The following FBXO15 variants were observed in gnomAD, a reference collection of about 807,000 sequenced individuals.
FBXO15 encodes F-box protein 15.
FBXO15 carries 30 observed loss-of-function variants against 49.5 expected under a neutral mutation model. The observed-to-expected ratio is 0.61, with a 90% CI of 0.45 to 0.82. FBXO15 has a LOEUF of 0.82. Among genes scored for constraint, FBXO15 ranks in the 40% least tolerant of loss-of-function variants. The pLI is 0.00. For missense variants in FBXO15, 591 were observed against 631.5 expected, an observed-to-expected ratio of 0.94 and a Z score of 0.69; for synonymous variants, 250 against 232.7, an observed-to-expected ratio of 1.07 and a Z score of -0.68.
At chr18:74,124,711 C>A in intron 6 of FBXO15, 140 bp from the exon 7 acceptor site, 1 of 683,488 alleles carries the variant, frequency 1.5e-6, no homozygotes, top group Non-Finnish European at 2.6e-6. Context: ...AGTGCTAATG[C>A]ATTATTACTG....
At chr18:74,113,762 T>C (rs893289928) in intron 8 of FBXO15, among the ~76,000 whole-genome samples, 1 of 152,224 alleles carries the variant, frequency 6.6e-6, no homozygotes, top group Admixed American at 6.5e-5. Context: ...TTCTGAAAAT[T>C]GGTAATCATT....
chr18:74,082,470 G>C (rs1320393697), intron 8 of FBXO15, among the ~76,000 whole-genome samples: 14 of 152,296 alleles, frequency 9.2e-5, no homozygotes, highest in African/African-American at 3.4e-4. Flanking sequence ...GAGAGCAGGC[G>C]AACATGAAGA....
At chr18:74,125,662 G>A (rs1914675867) in intron 6 of FBXO15, among the ~76,000 whole-genome samples, 1 of 152,222 alleles carries the variant, frequency 6.6e-6, no homozygotes, top group African/African-American at 2.4e-5. Flanking sequence ...CTGATTGGAA[G>A]TGGGAAAGCC....
intron 8 of FBXO15, among the ~76,000 whole-genome samples, chr18:74,122,075 C>G (rs1914494063): frequency 6.6e-6 from 1 of 152,174 alleles, no homozygotes; most frequent in African/African-American, 2.4e-5. Context: ...CCTGAATTTG[C>G]AAGTGACCTA....
chr18:74,112,636 A>G (rs1319503061), intron 8 of FBXO15, among the ~76,000 whole-genome samples: 1 of 152,222 alleles, frequency 6.6e-6, no homozygotes, highest in African/African-American at 2.4e-5. Context: ...GTGCTTTTCC[A>G]CATCATCCTG....
chr18:74,129,350 CT>C, intron 5 of FBXO15, 54 bp downstream of exon 5: 1 of 1,461,452 alleles, frequency 6.8e-7, no homozygotes, highest in Non-Finnish European at 9.4e-7. Context: ...GTAATGCCAA[CT>C]AATATTTACA....
intron 8 of FBXO15, among the ~76,000 whole-genome samples, chr18:74,094,811 T>C (rs1306326857): frequency 6.6e-6 from 1 of 152,230 alleles, no homozygotes; most frequent in East Asian, 1.9e-4. Context: ...AGGCAGTGAC[T>C]TCTCTTCTCT....
At chr18:74,134,640 T>C (rs1599185800) in intron 3 of FBXO15, among the ~76,000 whole-genome samples, 1 of 152,168 alleles carries the variant, frequency 6.6e-6, no homozygotes, top group Non-Finnish European at 1.5e-5. Context: ...AGTGCTGGGA[T>C]TACAGGTGTG....
chr18:74,080,562 G>C (rs1328598732), intron 9 of FBXO15, among the ~76,000 whole-genome samples: 1 of 152,184 alleles, frequency 6.6e-6, no homozygotes, highest in African/African-American at 2.4e-5. Context: ...GCAACCTACA[G>C]AATCACTGCT....
rs555201305 is a variant in FBXO15, at chr18:74,114,517, T to C, written c.1138+8851A>G. Among the ~76,000 whole-genome samples, 5 of 152,312 alleles carry C rather than the reference T, an allele frequency of 3.3e-5. No individual in the cohort carries two copies. In the South Asian group the frequency reaches 1.0e-3, roughly 32 times the overall value. ...TCATCTATTTACATTTCCAAAAGAATAGAAAACAAAAGCTATACAGAAAAA... is the reference window on the plus strand; with the variant it reads ...TCATCTATTTACATTTCCAAAAGAACAGAAAACAAAAGCTATACAGAAAAA... On this transcript the variant is annotated intron_variant, in intron 8 of 9. Coordinates refer to ENST00000419743, the MANE Select transcript of FBXO15 (RefSeq NM_001142958.2).
At chr18:74,139,186 G>A (rs1483176121) in intron 2 of FBXO15, among the ~76,000 whole-genome samples, 1 of 152,148 alleles carries the variant, frequency 6.6e-6, no homozygotes, top group Non-Finnish European at 1.5e-5. Context: ...ATTCTGGACT[G>A]GGGGATCCAT....
chr18:74,147,294 G>C (rs923249772), intron 1 of FBXO15, among the ~76,000 whole-genome samples: 8 of 152,086 alleles, frequency 5.3e-5, no homozygotes, highest in African/African-American at 1.7e-4. Flanking sequence ...TGAAAAACAC[G>C]AAGGGAGATT....
chr18:74,135,335 T>C (rs1255312314), intron 3 of FBXO15, among the ~76,000 whole-genome samples: 2 of 152,160 alleles, frequency 1.3e-5, no homozygotes, highest in Non-Finnish European at 2.9e-5. Flanking sequence ...ACACCTAACT[T>C]AGTCTCTTCC....
At chr18:74,093,349 C>T (rs962446107) in intron 8 of FBXO15, among the ~76,000 whole-genome samples, 5 of 151,750 alleles carry the variant, frequency 3.3e-5, no homozygotes, top group Non-Finnish European at 5.9e-5. Context: ...GTGGCTGGTG[C>T]GTGTCAGCGA....
chr18:74,130,382 A>T (rs1207358810), intron 4 of FBXO15, 34 bp downstream of exon 4: 9 of 1,611,514 alleles, frequency 5.6e-6, no homozygotes, highest in African/African-American at 1.3e-5. Context: ...CTTTGAGCTG[A>T]TGCCATCATT....
intron 8 of FBXO15, among the ~76,000 whole-genome samples, chr18:74,083,281 A>G (rs989562217): frequency 6.6e-6 from 1 of 152,216 alleles, no homozygotes; most frequent in Non-Finnish European, 1.5e-5. Context: ...AGAAATGCCA[A>G]ATGACACGGA....
At chr18:74,085,258 T>G (rs1912688681) in intron 8 of FBXO15, among the ~76,000 whole-genome samples, 1 of 151,960 alleles carries the variant, frequency 6.6e-6, no homozygotes, top group African/African-American at 2.4e-5. Context: ...CAAGACTTAC[T>G]ATAGAGCTAC....
At chr18:74,144,884 T>C (rs1356472837) in intron 1 of FBXO15, among the ~76,000 whole-genome samples, 1 of 152,208 alleles carries the variant, frequency 6.6e-6, no homozygotes, top group Non-Finnish European at 1.5e-5. Context: ...TTAACTTGTG[T>C]GTCCCGAATT....
In FBXO15 at chr18:74,147,761, A is replaced by C. The variant is rs1159116801; in HGVS notation, c.25T>G (p.Leu9Val). The C allele has an allele frequency of 1.3e-6, 2 of 1,535,562 alleles. No individual in the cohort carries two copies. Among genetic ancestry groups the C allele is most frequent in the Non-Finnish European group, 8.8e-7 (1 of 1,142,686 alleles). ...TGGAGGCCGAGCCAGTGCTGCTGCAAGATCCGACCGCGTCCAGTCGCCATA... is the reference window on the plus strand; with the variant it reads ...TGGAGGCCGAGCCAGTGCTGCTGCACGATCCGACCGCGTCCAGTCGCCATA... Reference protein sequence around the residue: MATGRGRILQQHWLGLQTL... With the variant: MATGRGRIVQQHWLGLQTL... The change falls in exon 1 of 10, where the codon TTG (leucine) becomes GTG (valine). Residue 9 changes from leucine (L) to valine (V), a missense_variant. Coordinates refer to ENST00000419743, the MANE Select transcript of FBXO15 (RefSeq NM_001142958.2).
Sources: gnomAD v4.1 joint callset for allele counts (sites outside exome capture counted in the v4.1 genomes callset) on GRCh38, gnomAD v4.1.1 for gene constraint, MANE v1.5 for transcripts, NCBI Gene and HGNC (gene_info 2026-07-23, HGNC 2026-07-21) for gene names.